The following TAGLN variants were observed in gnomAD, a reference collection of about 807,000 sequenced individuals.
TAGLN encodes the protein 22 kDa actin-binding protein.
In TAGLN, 16 loss-of-function variants were observed where a neutral mutation model predicts 21.9. The ratio of observed to expected loss-of-function variants is 0.73; its 90% CI spans 0.49 to 1.11. The LOEUF (loss-of-function observed/expected upper bound fraction) is 1.11, where lower values mean the gene tolerates loss of function less well. Among genes scored for constraint, TAGLN ranks in the 50% least tolerant of loss-of-function variants. TAGLN has a pLI of 0.00. For synonymous variants in TAGLN, 96 were observed against 94.9 expected (o/e 1.01, Z -0.06); for missense variants, 248 against 263.2 (o/e 0.94, Z 0.40).
rs74358982 is a variant in TAGLN at position 117,200,322 on chromosome 11, C to T, written c.-13+890C>T. Reference sequence around the variant, plus strand: ...CCCTGCAGGGGCCCCTGGCTCTGCTCGTGTTTCTGGGCTTCTGCTGGTAGG... The same window carrying T: ...CCCTGCAGGGGCCCCTGGCTCTGCTTGTGTTTCTGGGCTTCTGCTGGTAGG... On this transcript the variant is annotated intron_variant, in intron 1 of 4. Coordinates refer to ENST00000392951, the MANE Select transcript of TAGLN (RefSeq NM_003186.5). 8.5e-3 allele frequency: 1,303 copies of T among 152,448 alleles called. 13 individuals carry two copies. Among genetic ancestry groups the T allele is most frequent in the South Asian group, 0.026 (128 of 4,832 alleles). The allele number at this position is 152,448 out of a possible 1,614,324, so 9.4% of individuals were successfully genotyped here. A position where few individuals can be genotyped will look rare whatever the true frequency, so the allele number is the denominator to read the frequency against.
At position 117,204,442 on chromosome 11, in the gene TAGLN, C is replaced by G; in HGVS notation, c.*83C>G. On this transcript the variant is annotated 3_prime_UTR_variant, in exon 5 of 5. Coordinates refer to ENST00000392951, the MANE Select transcript of TAGLN (RefSeq NM_003186.5). ...CCGCTTAGCCTGCCTCACCCACACC[C>G]GTGTGGTACCTTCAGCCCTGGCCAA... 6.3e-7 allele frequency: 1 copy of G among 1,587,568 alleles called. No individual in the cohort carries two copies. The highest frequency in any genetic ancestry group is 1.7e-5 in the Admixed American group (1 of 58,324).
rs772680088 is a variant in TAGLN at position 117,204,250 on chromosome 11, G to T, written c.497G>T (p.Ser166Ile). The change falls in exon 5 of 5, where the codon AGC becomes ATC. Residue 166 changes from serine to isoleucine, a missense_variant. Transcript: ENST00000392951. ...GAGCATAAGAGGGAATTCACAGAGA[G>T]CCAGCTGCAGGAGGGAAAGCATGTC... ...AQEHKREFTE[S>I]QLQEGKHVIG... 6.2e-7 allele frequency: 1 copy of T among 1,614,268 alleles called. No individual in the cohort carries two copies.
rs372875518 is a variant in TAGLN at position 117,204,329 on chromosome 11, C to A, written c.576C>A (p.Gly192=). Residue 192 remains glycine, a synonymous_variant, in exon 5 of 5, where the codon GGC becomes GGA. Transcript: ENST00000392951. ...NRGASQAGMT[G]YGRPRQIIS ...GGGCCTCCCAGGCCGGCATGACAGG[C>A]TACGGACGACCTCGGCAGATCATCA... 315 of 1,614,130 alleles carry A rather than the reference C, an allele frequency of 2.0e-4. No homozygotes were observed. Among genetic ancestry groups the A allele is most frequent in the Non-Finnish European group, 2.6e-4 (309 of 1,180,050 alleles).
chr11:117,203,701 TGA>T lies in TAGLN; in HGVS notation c.359-76_359-75del, dbSNP rs1452535577. ...TGGCCCTGGTTTGGCCATTTTTTTG[TGA>T]GAGACGGGGGCAGGCCCTGGCTTGG... On this transcript the variant is annotated intron_variant, in intron 3 of 4. Transcript: ENST00000392951. This position sits in a 1 kb window ranked among gnomAD's most constrained non-coding sequence, Gnocchi z 4.4. 1.4e-6 allele frequency: 2 copies of T among 1,472,680 alleles called. No homozygotes were observed. The highest frequency in any genetic ancestry group is 1.9e-6 in the Non-Finnish European group (2 of 1,065,936). 91.2% of individuals were successfully genotyped at this position (1,472,680 alleles called of 1,614,324 possible).
Position 117,203,028 on chromosome 11 carries a change from T to G in TAGLN, c.15T>G (p.Gly5=). 1 of 1,571,682 alleles carries G rather than the reference T, an allele frequency of 6.4e-7. No homozygotes were observed. The highest frequency in any genetic ancestry group is 8.6e-7 in the Non-Finnish European group (1 of 1,159,302). Residue 5 remains glycine (G), a synonymous_variant, in exon 2 of 5, where the codon GGT becomes GGG. Transcript: ENST00000392951. The surrounding 1 kb of genome is among the most constrained non-coding windows in gnomAD (Gnocchi z 4.4). MANK[G]PSYGMSREVQ... is the part of the protein sequence containing the mutation. Reference sequence around the variant, plus strand: ...TTTCCCCAGACATGGCCAACAAGGGTCCTTCCTATGGCATGAGCCGCGAAG... The same window carrying G: ...TTTCCCCAGACATGGCCAACAAGGGGCCTTCCTATGGCATGAGCCGCGAAG...
chr11:117,200,951 G>T (rs1015752040), intron 1 of TAGLN, among the ~76,000 whole-genome samples: 3 of 152,096 alleles, frequency 2.0e-5, no homozygotes, highest in African/African-American at 7.2e-5. Context: ...CTGGGATGGT[G>T]GTGCAAAGGC....
At chr11:117,202,319 G>A (rs141122858) in intron 1 of TAGLN, 64 of 152,378 alleles carry the variant, frequency 4.2e-4, no homozygotes, top group African/African-American at 1.2e-3. Flanking sequence ...GCCTGGGGTG[G>A]GCGAGTTTTA....
chr11:117,200,685 C>T (rs1591777138), intron 1 of TAGLN, among the ~76,000 whole-genome samples: 1 of 152,026 alleles, frequency 6.6e-6, no homozygotes, highest in Admixed American at 6.5e-5. Context: ...GTGCTTCATC[C>T]CCCTCTGACC....
rs1384078014 is a variant in TAGLN at position 117,199,405 on chromosome 11, TC to T, written c.-38del. 1 of 152,336 alleles carries T rather than the reference TC, an allele frequency of 6.6e-6. No homozygotes were observed. Among genetic ancestry groups the T allele is most frequent in the Non-Finnish European group, 1.5e-5 (1 of 68,138 alleles). 9.4% of individuals were successfully genotyped at this position (152,336 alleles called of 1,614,324 possible). A position where few individuals can be genotyped will look rare whatever the true frequency, so the allele number is the denominator to read the frequency against. ...TCCGAACCCAGACACAAGTCTTCAC[TC>T]CTTCCTGCGAGCCCTGAGGAAGCCT... On this transcript the variant is annotated 5_prime_UTR_variant, in exon 1 of 5. Coordinates refer to ENST00000392951, the MANE Select transcript of TAGLN (RefSeq NM_003186.5).
rs36014587 is a variant in TAGLN, at chr11:117,204,760, C to CAAAAAAA, written c.*413_*419dup. 1.2e-5 allele frequency: 2 copies of CAAAAAAA among 170,272 alleles called. No individual in the cohort carries two copies. The highest frequency in any genetic ancestry group is 1.4e-4 in the East Asian group (1 of 7,288). 10.5% of individuals were successfully genotyped at this position (170,272 alleles called of 1,614,324 possible). A position where few individuals can be genotyped will look rare whatever the true frequency, so the allele number is the denominator to read the frequency against. On this transcript the variant is annotated 3_prime_UTR_variant, in exon 5 of 5. Transcript: ENST00000392951. ...CTGGAATATTTTTGGGGTTGGAACT[C>CAAAAAAA]AAAAAAAAAAAAAAAAAATCAATCT...
At position 117,203,134 on chromosome 11, in the gene TAGLN, G is replaced by C; in HGVS notation, c.121G>C (p.Asp41His). The change falls in exon 2 of 5, where the codon GAT becomes CAT. Residue 41 changes from aspartate to histidine, a missense_variant. Asp to His is a moderately conservative substitution (Grantham distance 81, BLOSUM62 -1). Coordinates refer to ENST00000392951, the MANE Select transcript of TAGLN (RefSeq NM_003186.5). The surrounding 1 kb of genome is among the most constrained non-coding windows in gnomAD (Gnocchi z 4.4). ...VEWIIVQCGP[D>H]VGRPDRGRLG... ...GTGGATCATAGTGCAGTGTGGCCCT[G>C]ATGTGGGCCGCCCAGACCGTGGGCG... 6.2e-7 allele frequency: 1 copy of C among 1,607,746 alleles called. No homozygotes were observed. The highest frequency in any genetic ancestry group is 2.2e-5 in the East Asian group (1 of 44,778).
Position 117,203,136 on chromosome 11 carries a change from T to C in TAGLN, c.123T>C (p.Asp41=). The C allele has an allele frequency of 6.2e-7, 1 of 1,607,380 alleles. No homozygotes were observed. Among genetic ancestry groups the C allele is most frequent in the African/African-American group, 1.3e-5 (1 of 74,820 alleles). ...GGATCATAGTGCAGTGTGGCCCTGA[T>C]GTGGGCCGCCCAGACCGTGGGCGCT... is the stretch of plus-strand genomic sequence containing the variant. ...VEWIIVQCGP[D]VGRPDRGRLG... is the part of the protein sequence containing the mutation. The change falls in exon 2 of 5, where the codon GAT becomes GAC. Residue 41 remains aspartate, a synonymous_variant. Transcript: ENST00000392951. The surrounding 1 kb of genome is among the most constrained non-coding windows in gnomAD (Gnocchi z 4.4).
chr11:117,204,521 T>C lies in TAGLN; in HGVS notation c.*162T>C, dbSNP rs1240101012. 9.0e-7 allele frequency: 1 copy of C among 1,113,258 alleles called. No homozygotes were observed. The highest frequency in any genetic ancestry group is 2.0e-5 in the Admixed American group (1 of 50,294). 69.0% of individuals were successfully genotyped at this position (1,113,258 alleles called of 1,614,324 possible). ...TAACTGCACCTGGGCAGCTCCTCCCTGTGCCCCCAGCCTCAGCCCAACTTC... is the reference window on the plus strand; with the variant it reads ...TAACTGCACCTGGGCAGCTCCTCCCCGTGCCCCCAGCCTCAGCCCAACTTC... On this transcript the variant is annotated 3_prime_UTR_variant, in exon 5 of 5. Coordinates refer to ENST00000392951, the MANE Select transcript of TAGLN (RefSeq NM_003186.5).
At chr11:117,204,177 G>A in intron 4 of TAGLN, 38 bp from the exon 5 acceptor site, 1 of 1,613,482 alleles carries the variant, frequency 6.2e-7, no homozygotes, top group Non-Finnish European at 8.5e-7. Flanking sequence ...AAAACACACA[G>A]TTCTACCAAG....
chr11:117,202,974 C>G, intron 1 of TAGLN, 28 bp from the exon 2 acceptor site: 1 of 1,522,654 alleles, frequency 6.6e-7, no homozygotes, highest in Non-Finnish European at 8.8e-7. Context: ...CCCTCTGCCC[C>G]TCCCTCCTCC....
At chr11:117,200,530 C>T (rs1377730671) in intron 1 of TAGLN, among the ~76,000 whole-genome samples, 2 of 152,146 alleles carry the variant, frequency 1.3e-5, no homozygotes, top group Non-Finnish European at 1.5e-5. Flanking sequence ...ATCCTCCTCT[C>T]CCCCTCCCCA....
At position 117,205,741 on chromosome 11, in the gene TAGLN, C is replaced by G. The variant is rs2031331317; in HGVS notation, c.*1382C>G. On this transcript the variant is annotated 3_prime_UTR_variant, in exon 5 of 5. Transcript: ENST00000392951. The stretch of plus-strand genomic sequence containing the variant: ...AGAGAGATGAGGATGGAGGCCAAAC[C>G]AAAGGGGGGCGCCAATCCCCTGTCC... 1 of 388,636 alleles carries G rather than the reference C, an allele frequency of 2.6e-6. No individual in the cohort carries two copies. Among genetic ancestry groups the G allele is most frequent in the South Asian group, 1.0e-4 (1 of 9,910 alleles). The allele number at this position is 388,636 out of a possible 1,614,324, so 24.1% of individuals were successfully genotyped here.
rs36014587 is a variant in TAGLN at position 117,204,760 on chromosome 11, CAA to C, written c.*418_*419del. 0.02 allele frequency: 3,414 copies of C among 172,996 alleles called. 1 individual carries two copies. Among genetic ancestry groups the C allele is most frequent in the Middle Eastern group, 0.047 (19 of 402 alleles). The allele number at this position is 172,996 out of a possible 1,614,324, so 10.7% of individuals were successfully genotyped here. A position where few individuals can be genotyped will look rare whatever the true frequency, so the allele number is the denominator to read the frequency against. On this transcript the variant is annotated 3_prime_UTR_variant, in exon 5 of 5. Coordinates refer to ENST00000392951, the MANE Select transcript of TAGLN (RefSeq NM_003186.5). ...CTGGAATATTTTTGGGGTTGGAACT[CAA>C]AAAAAAAAAAAAAAAATCAATCTTT...
rs541390598 is a variant in TAGLN, at chr11:117,204,443, G to A, written c.*84G>A. 1.2e-4 allele frequency: 192 copies of A among 1,592,862 alleles called. 1 individual carries two copies. The highest frequency in any genetic ancestry group is 2.1e-4 in the South Asian group (19 of 89,556). ...CGCTTAGCCTGCCTCACCCACACCC[G>A]TGTGGTACCTTCAGCCCTGGCCAAG... On this transcript the variant is annotated 3_prime_UTR_variant, in exon 5 of 5. Transcript: ENST00000392951.
Sources: gnomAD v4.1 joint callset for allele counts (sites outside exome capture counted in the v4.1 genomes callset) on GRCh38, gnomAD v4.1.1 for gene constraint, Gnocchi (gnomAD v3.1) non-coding constraint, MANE v1.5 for transcripts, NCBI Gene and HGNC (gene_info 2026-07-23, HGNC 2026-07-21) for gene names.